Variants in PRKCE observed in about 807,000 individuals in gnomAD.
The protein encoded by PRKCE is protein kinase C epsilon, also known as protein kinase C epsilon type.
Under a neutral mutation model 85.4 loss-of-function variants are expected in PRKCE, and 16 were observed. The observed-to-expected ratio is 0.19, with a 90% CI of 0.13 to 0.28. The LOEUF is 0.28. PRKCE is among the 10% of genes least tolerant of loss of function. The pLI, the probability that PRKCE is intolerant of heterozygous loss-of-function variation, is 1.00. For missense variants in PRKCE, 573 were observed against 975.2 expected, an observed-to-expected ratio of 0.59 and a Z score of 5.49; for synonymous variants, 388 against 371.5, an observed-to-expected ratio of 1.04 and a Z score of -0.51.
At chr2:45,840,821 A>G (rs1160396050) in intron 1 of PRKCE, among the ~76,000 whole-genome samples, 1 of 152,170 alleles carries the variant, frequency 6.6e-6, no homozygotes, top group Non-Finnish European at 1.5e-5. Context: ...TTTGGAGAAC[A>G]CCATTCCAGC....
At chr2:46,169,955 C>T (rs1407321841) in intron 14 of PRKCE, among the ~76,000 whole-genome samples, 1 of 152,218 alleles carries the variant, frequency 6.6e-6, no homozygotes, top group Non-Finnish European at 1.5e-5. Flanking sequence ...GAAATTCACT[C>T]AATCTCTCTG....
At chr2:45,817,215 A>C (rs1047140894) in intron 1 of PRKCE, among the ~76,000 whole-genome samples, 2 of 151,996 alleles carry the variant, frequency 1.3e-5, no homozygotes, top group Non-Finnish European at 2.9e-5. Context: ...CTCATTTCTT[A>C]TTGAGCTTTG....
At chr2:45,988,727 G>A (rs537940545) in intron 6 of PRKCE, among the ~76,000 whole-genome samples, 7 of 152,204 alleles carry the variant, frequency 4.6e-5, no homozygotes, top group East Asian at 1.9e-4. Context: ...GGGTCTGTCC[G>A]AGCCCCTCAA....
intron 1 of PRKCE, among the ~76,000 whole-genome samples, chr2:45,813,783 C>T (rs1688821678): frequency 6.6e-6 from 1 of 152,178 alleles, no homozygotes; most frequent in Non-Finnish European, 1.5e-5. Context: ...GGAAATGACC[C>T]AGTGGAGCAT....
At chr2:46,021,497 G>T (rs926763472) in intron 10 of PRKCE, among the ~76,000 whole-genome samples, 5 of 152,116 alleles carry the variant, frequency 3.3e-5, no homozygotes, top group African/African-American at 1.2e-4. Context: ...TTTCCCCTTT[G>T]CATCTGCAAA....
At chr2:46,114,093 G>T (rs188177252) in intron 11 of PRKCE, among the ~76,000 whole-genome samples, 11 of 152,214 alleles carry the variant, frequency 7.2e-5, no homozygotes, top group Admixed American at 3.9e-4. Context: ...CATCTACCAG[G>T]CTGGGCCTTT....
rs78557092 is a variant in PRKCE, at chr2:45,652,885, C to T, written c.348+437C>T. On this transcript the variant is annotated intron_variant, in intron 1 of 14. Transcript: ENST00000306156. This position sits in a 1 kb window ranked among gnomAD's most constrained non-coding sequence, Gnocchi z 7.7. ...TCTTGCACGTCCTGGCTTTGTCCTG[C>T]TTAGCCGAGCGAGGAGTTGCTTTAT... 0.011 allele frequency among the ~76,000 whole-genome samples: 1,708 copies of T among 152,248 alleles called. 12 individuals carry two copies. Among genetic ancestry groups the T allele is most frequent in the Non-Finnish European group, 0.017 (1,131 of 68,004 alleles).
At chr2:45,703,336 A>G (rs1206922159) in intron 1 of PRKCE, among the ~76,000 whole-genome samples, 1 of 152,076 alleles carries the variant, frequency 6.6e-6, no homozygotes, top group Non-Finnish European at 1.5e-5. Flanking sequence ...GGAGTTCAAG[A>G]TCAGACTGGT....
chr2:45,798,135 A>G (rs999575386), intron 1 of PRKCE, among the ~76,000 whole-genome samples: 1 of 152,206 alleles, frequency 6.6e-6, no homozygotes, highest in Non-Finnish European at 1.5e-5. Context: ...GAGCTCAGCA[A>G]AGTCGTTTGT....
At chr2:46,010,070 T>C (rs4953299) in intron 9 of PRKCE, among the ~76,000 whole-genome samples, 42,894 of 152,072 alleles carry the variant, frequency 0.28, 6,431 homozygotes, top group African/African-American at 0.37. Context: ...ACGGTAGTAA[T>C]TGTAGAATAG....
intron 2 of PRKCE, among the ~76,000 whole-genome samples, chr2:45,942,073 G>A (rs1030759299): frequency 2.0e-5 from 3 of 152,172 alleles, no homozygotes; most frequent in South Asian, 2.1e-4. Flanking sequence ...TTTGAAGTAC[G>A]GCACCTCTGG....
intron 1 of PRKCE, among the ~76,000 whole-genome samples, chr2:45,836,235 C>T (rs1255435596): frequency 3.3e-5 from 5 of 152,230 alleles, no homozygotes; most frequent in Non-Finnish European, 7.3e-5. Flanking sequence ...CTTTGCACTG[C>T]AGTGGAAGCT....
At position 45,913,641 on chromosome 2, in the gene PRKCE, C is replaced by A. The variant is rs570264922; in HGVS notation, c.413-62788C>A. Among the ~76,000 whole-genome samples, 25 of 152,336 alleles carry A rather than the reference C, an allele frequency of 1.6e-4. No homozygotes were observed. In the East Asian group the frequency reaches 4.6e-3, roughly 28 times the overall value. On this transcript the variant is annotated intron_variant, in intron 2 of 14. Transcript: ENST00000306156. ...GTTTTTGGGGCTTCTGGCTGAAAGA[C>A]CTTCTTCAGCATTAGTAAACCAGTT...
chr2:45,712,988 C>T (rs796707993), intron 1 of PRKCE, among the ~76,000 whole-genome samples: 14 of 152,190 alleles, frequency 9.2e-5, no homozygotes, highest in African/African-American at 3.4e-4. Flanking sequence ...ACGACACTGT[C>T]GCCTTGCATC....
chr2:45,792,368 T>A (rs1573375922), intron 1 of PRKCE, among the ~76,000 whole-genome samples: 2 of 152,152 alleles, frequency 1.3e-5, no homozygotes, highest in East Asian at 3.8e-4. Context: ...ACACTTGGGA[T>A]CACATTTCAA....
chr2:45,701,739 G>C (rs1678659390), intron 1 of PRKCE, among the ~76,000 whole-genome samples: 1 of 152,188 alleles, frequency 6.6e-6, no homozygotes, highest in Non-Finnish European at 1.5e-5. Context: ...GGTGCTCCAG[G>C]CTGCTTCCCA....
intron 11 of PRKCE, among the ~76,000 whole-genome samples, chr2:46,090,829 C>G (rs1670099726): frequency 6.6e-6 from 1 of 152,132 alleles, no homozygotes; most frequent in African/African-American, 2.4e-5. Context: ...TCTGGCCATT[C>G]TGATCCAGGC....
rs764875593 is a variant in PRKCE at position 45,652,648 on chromosome 2, A to T, written c.348+200A>T. Among the ~76,000 whole-genome samples the T allele has an allele frequency of 6.7e-4, 102 of 152,150 alleles. 1 individual carries two copies. Among genetic ancestry groups the T allele is most frequent in the Non-Finnish European group, 1.3e-4 (9 of 68,040 alleles). ...ATTGGCGAGGAAGATGAGACTTGGA[A>T]AGAGGATGTGGCCCTCTGCTCCCTC... On this transcript the variant is annotated intron_variant, in intron 1 of 14. Coordinates refer to ENST00000306156, the MANE Select transcript of PRKCE (RefSeq NM_005400.3). This position sits in a 1 kb window ranked among gnomAD's most constrained non-coding sequence, Gnocchi z 7.7.
rs1377098786 is a variant in PRKCE, at chr2:45,942,613, G to A, written c.413-33816G>A. Among the ~76,000 whole-genome samples the A allele has an allele frequency of 3.9e-5, 6 of 152,154 alleles. No homozygotes were observed. The East Asian group carries it at 9.6e-4, about 24-fold the overall frequency. ...AAATTACTGTTGGTCTAATGACGAG[G>A]TCCCCGCAGGAAGGATTAGAACACG... On this transcript the variant is annotated intron_variant, in intron 2 of 14. Coordinates refer to ENST00000306156, the MANE Select transcript of PRKCE (RefSeq NM_005400.3).
Sources: gnomAD v4.1 joint callset for allele counts (sites outside exome capture counted in the v4.1 genomes callset) on GRCh38, gnomAD v4.1.1 for gene constraint, Gnocchi (gnomAD v3.1) non-coding constraint, MANE v1.5 for transcripts, NCBI Gene and HGNC (gene_info 2026-07-23, HGNC 2026-07-21) for gene names.